The following XRCC2 variants were observed in gnomAD, a reference collection of about 807,000 sequenced individuals.
XRCC2 encodes X-ray repair cross complementing 2, also known as DNA repair protein XRCC2.
In XRCC2, 24 loss-of-function variants were observed where a neutral mutation model predicts 27.3. The ratio of observed to expected loss-of-function variants is 0.88; its 90% CI spans 0.64 to 1.24. The LOEUF is 1.24. XRCC2 is among the 50% of genes most tolerant of loss of function. The probability of loss-of-function intolerance (pLI) is 0.00; values close to 1 mark genes in which losing one functional copy is unlikely to be tolerated. For missense variants in XRCC2, 321 were observed against 325.8 expected, an observed-to-expected ratio of 0.99 and a Z score of 0.11; for synonymous variants, 106 against 115.4, an observed-to-expected ratio of 0.92 and a Z score of 0.52.
chr7:152,671,270 G>GT (rs1338234600), intron 1 of XRCC2, among the ~76,000 whole-genome samples: 4 of 152,016 alleles, frequency 2.6e-5, no homozygotes, highest in African/African-American at 9.7e-5. Flanking sequence ...CAGAGAAAGC[G>GT]TAAGAATAGT....
intron 2 of XRCC2, among the ~76,000 whole-genome samples, chr7:152,656,069 C>T (rs1349625003): frequency 6.6e-6 from 1 of 152,076 alleles, no homozygotes; most frequent in South Asian, 2.1e-4. Context: ...CTGCTGAAGG[C>T]ATGAGGGGAG....
intron 2 of XRCC2, 99 bp from the exon 3 acceptor site, chr7:152,649,462 A>G (rs2098027580): frequency 6.5e-6 from 9 of 1,391,836 alleles, no homozygotes; most frequent in Non-Finnish European, 7.6e-6. Flanking sequence ...ACTTACTGGA[A>G]TGTGAAAGAA....
chr7:152,649,252 A>T lies in XRCC2; in HGVS notation c.233T>A (p.Val78Asp). 6.2e-7 allele frequency: 1 copy of T among 1,613,832 alleles called. No homozygotes were observed. Among genetic ancestry groups the T allele is most frequent in the South Asian group, 1.1e-5 (1 of 91,080 alleles). Residue 78 changes from valine to aspartate, a missense_variant, in exon 3 of 3, where the codon GTC becomes GAC. Val to Asp is a radical substitution (Grantham distance 152). Coordinates refer to ENST00000359321, the MANE Select transcript of XRCC2 (RefSeq NM_005431.2). ...PKSEGGLEVE[V>D]LFIDTDYHFD... ...GTGGTAATCTGTATCAATAAATAAG[A>T]CTTCTACTTCCAGGCCACCTTCTGA...
At chr7:152,663,125 G>A (rs968346337) in intron 1 of XRCC2, among the ~76,000 whole-genome samples, 1 of 152,052 alleles carries the variant, frequency 6.6e-6, no homozygotes, top group African/African-American at 2.4e-5. Flanking sequence ...CAGAGGTTCT[G>A]AGGGCATACC....
intron 2 of XRCC2, among the ~76,000 whole-genome samples, chr7:152,652,179 GA>G (rs11309976): frequency 0.42 from 61,822 of 146,240 alleles, 13,506 homozygotes; most frequent in Non-Finnish European, 0.47. Flanking sequence ...GAAAAGAAAA[GA>G]AAAAAAAAAA....
intron 1 of XRCC2, among the ~76,000 whole-genome samples, chr7:152,666,965 T>A: frequency 6.6e-6 from 1 of 152,178 alleles, no homozygotes; most frequent in East Asian, 1.9e-4. Flanking sequence ...GAAACAACTA[T>A]AAAATATCTT....
chr7:152,671,601 A>T (rs1275537945), intron 1 of XRCC2, among the ~76,000 whole-genome samples: 1 of 152,200 alleles, frequency 6.6e-6, no homozygotes, highest in Non-Finnish European at 1.5e-5. Context: ...TAAATCTGGG[A>T]TGCCTATTAA....
At position 152,648,608 on chromosome 7, in the gene XRCC2, T is replaced by C; in HGVS notation, c.*34A>G. The C allele has an allele frequency of 6.5e-7, 1 of 1,550,186 alleles. No homozygotes were observed. The highest frequency in any genetic ancestry group is 8.7e-7 in the Non-Finnish European group (1 of 1,155,682). On this transcript the variant is annotated 3_prime_UTR_variant, in exon 3 of 3. Transcript: ENST00000359321. ...CTTAAGAAAAATTTTAAGGCTTGCG[T>C]AGTACCCTGCAAAAGACTATTTTAT...
intron 2 of XRCC2, among the ~76,000 whole-genome samples, chr7:152,650,971 G>C (rs1452659430): frequency 6.6e-6 from 1 of 152,052 alleles, no homozygotes; most frequent in African/African-American, 2.4e-5. Flanking sequence ...ATGGAGTCTT[G>C]TTCTGTTGCC....
chr7:152,667,514 C>G (rs1364927162), intron 1 of XRCC2, among the ~76,000 whole-genome samples: 1 of 150,848 alleles, frequency 6.6e-6, no homozygotes, highest in Non-Finnish European at 1.5e-5. Context: ...ATTAGGCAAT[C>G]TGCATCAGAC....
At chr7:152,675,944 C>T in intron 1 of XRCC2, 97 bp downstream of exon 1, 2 of 1,543,846 alleles carry the variant, frequency 1.3e-6, no homozygotes, top group Non-Finnish European at 1.8e-6. Context: ...CAGGCCGCGC[C>T]GCCCCAAGCC....
Position 152,653,923 on chromosome 7 carries a change from C to T in XRCC2, c.122-4560G>A, listed in dbSNP as rs373187942. On this transcript the variant is annotated intron_variant, in intron 2 of 2. Coordinates refer to ENST00000359321, the MANE Select transcript of XRCC2 (RefSeq NM_005431.2). ...AAGATTCAAGATGGTAAGCCGGGCGCGGTGGCTCACGCCTGTAATCCCAGT... is the reference window on the plus strand; with the variant it reads ...AAGATTCAAGATGGTAAGCCGGGCGTGGTGGCTCACGCCTGTAATCCCAGT... Among the ~76,000 whole-genome samples the T allele has an allele frequency of 6.5e-4, 99 of 152,158 alleles. 1 individual carries two copies. The highest frequency in any genetic ancestry group is 3.4e-3 in the Middle Eastern group (1 of 294).
intron 2 of XRCC2, among the ~76,000 whole-genome samples, chr7:152,657,352 T>G (rs1375315495): frequency 1.3e-5 from 2 of 151,780 alleles, no homozygotes; most frequent in African/African-American, 4.8e-5. Flanking sequence ...CAGGCTGGAG[T>G]GCAGTGGTGC....
intron 1 of XRCC2, among the ~76,000 whole-genome samples, chr7:152,667,334 G>C (rs1157609948): frequency 6.8e-6 from 1 of 147,458 alleles, no homozygotes; most frequent in East Asian, 2.0e-4. Context: ...TTGAGTCTGA[G>C]GCAGAGGTTG....
chr7:152,656,144 C>T lies in XRCC2; in HGVS notation c.121+4557G>A, dbSNP rs543371995. ...GTGATGGGTTGATAGGCGCAGCCAA[C>T]CACCATGGCACGCGTTTATCTATAT... On this transcript the variant is annotated intron_variant, in intron 2 of 2. Coordinates refer to ENST00000359321, the MANE Select transcript of XRCC2 (RefSeq NM_005431.2). Among the ~76,000 whole-genome samples, 5 of 152,266 alleles carry T rather than the reference C, an allele frequency of 3.3e-5. No individual in the cohort carries two copies. The South Asian group carries it at 1.0e-3, about 32-fold the overall frequency.
At chr7:152,667,405 C>CAG (rs2098036287) in intron 1 of XRCC2, among the ~76,000 whole-genome samples, 1 of 75,892 alleles carries the variant, frequency 1.3e-5, no homozygotes. Context: ...AACTCCGTCT[C>CAG]AAAAAAAAAA....
chr7:152,673,571 G>T (rs1401050226), intron 1 of XRCC2, among the ~76,000 whole-genome samples: 1 of 152,062 alleles, frequency 6.6e-6, no homozygotes, highest in Non-Finnish European at 1.5e-5. Context: ...TCTAATTCTA[G>T]TGAATTTTAA....
Position 152,648,426 on chromosome 7 carries a change from AAAG to A in XRCC2, c.*213_*215del. On this transcript the variant is annotated 3_prime_UTR_variant, in exon 3 of 3. Coordinates refer to ENST00000359321, the MANE Select transcript of XRCC2 (RefSeq NM_005431.2). ...CTGTTTCAAAAAGAAAAAAAAAAAAAAAGAAAACTTTTGGCCACGAGCAGTGGC... is the reference window on the plus strand; with the variant it reads ...CTGTTTCAAAAAGAAAAAAAAAAAAAAAAACTTTTGGCCACGAGCAGTGGC... 2 of 368,586 alleles carry A rather than the reference AAAG, an allele frequency of 5.4e-6. No homozygotes were observed. Among genetic ancestry groups the A allele is most frequent in the Non-Finnish European group, 9.4e-6 (2 of 211,702 alleles). 22.8% of individuals were successfully genotyped at this position (368,586 alleles called of 1,614,324 possible). A position where few individuals can be genotyped will look rare whatever the true frequency, so the allele number is the denominator to read the frequency against.
chr7:152,667,485 C>T (rs1033556035), intron 1 of XRCC2, among the ~76,000 whole-genome samples: 9 of 150,588 alleles, frequency 6.0e-5, no homozygotes, highest in Non-Finnish European at 1.2e-4. Context: ...GGTATTACTC[C>T]TCTTAGTTAC....
Sources: allele counts gnomAD v4.1 joint callset (sites outside exome capture counted in the v4.1 genomes callset), GRCh38; gene constraint gnomAD v4.1.1; transcripts MANE v1.5; gene names NCBI Gene and HGNC (gene_info 2026-07-23, HGNC 2026-07-21).